PTPN4: variants seen among roughly 807,000 people sequenced by gnomAD.
The protein encoded by PTPN4 is tyrosine-protein phosphatase non-receptor type 4.
Under a neutral mutation model 135.5 loss-of-function variants are expected in PTPN4, and 49 were observed. The ratio of observed to expected loss-of-function variants is 0.36; its 90% CI spans 0.29 to 0.46. The LOEUF is 0.46. Ranked by LOEUF, PTPN4 falls within the 20% of genes least tolerant of loss-of-function variation. The pLI is 1.00. For missense variants in PTPN4, 860 were observed against 1,101.0 expected, an observed-to-expected ratio of 0.78 and a Z score of 3.10; for synonymous variants, 333 against 369.9, an observed-to-expected ratio of 0.90 and a Z score of 1.14.
At chr2:119,857,301 C>T (rs1159962666) in intron 2 of PTPN4, among the ~76,000 whole-genome samples, 1 of 152,072 alleles carries the variant, frequency 6.6e-6, no homozygotes, top group Admixed American at 6.5e-5. Context: ...GAGGCCAAGG[C>T]GGGCGGATTG....
At chr2:119,805,687 T>G (rs1023631307) in intron 1 of PTPN4, among the ~76,000 whole-genome samples, 38 of 152,334 alleles carry the variant, frequency 2.5e-4, no homozygotes, top group African/African-American at 8.4e-4. Flanking sequence ...ACTGTAGCCT[T>G]GTAGTATAGT....
At chr2:119,801,900 GT>G (rs768983862) in intron 1 of PTPN4, among the ~76,000 whole-genome samples, 3,738 of 98,654 alleles carry the variant, frequency 0.038, 18 homozygotes, top group African/African-American at 0.069. Flanking sequence ...CTTTCTTTCC[GT>G]TTTTTTTTTT....
intron 19 of PTPN4, among the ~76,000 whole-genome samples, chr2:119,953,856 C>A (rs1039245172): frequency 1.3e-5 from 2 of 152,144 alleles, no homozygotes; most frequent in Non-Finnish European, 2.9e-5. Context: ...GAACAAAAAT[C>A]CATATGATGG....
At chr2:119,920,957 T>C (rs1406235214) in intron 12 of PTPN4, among the ~76,000 whole-genome samples, 7 of 152,172 alleles carry the variant, frequency 4.6e-5, no homozygotes, top group Non-Finnish European at 7.4e-5. Context: ...TTGTTTATGC[T>C]TCACATAATA....
At chr2:119,921,159 C>T (rs552947915) in intron 12 of PTPN4, among the ~76,000 whole-genome samples, 38 of 152,000 alleles carry the variant, frequency 2.5e-4, no homozygotes, top group African/African-American at 7.2e-4. Flanking sequence ...TGGTGGTGGG[C>T]GCTTGTAATC....
chr2:119,937,051 T>A (rs939509365), intron 15 of PTPN4, among the ~76,000 whole-genome samples: 21 of 152,216 alleles, frequency 1.4e-4, no homozygotes, highest in African/African-American at 5.1e-4. Context: ...AGGAAAGATA[T>A]GTAATATCCA....
At chr2:119,918,561 A>T (rs1678691055) in intron 11 of PTPN4, among the ~76,000 whole-genome samples, 1 of 152,186 alleles carries the variant, frequency 6.6e-6, no homozygotes, top group Non-Finnish European at 1.5e-5. Context: ...TTATAACCAA[A>T]ATGTGCTACC....
At chr2:119,905,198 G>C (rs755095809) in intron 10 of PTPN4, among the ~76,000 whole-genome samples, 12 of 152,082 alleles carry the variant, frequency 7.9e-5, no homozygotes, top group Non-Finnish European at 1.3e-4. Context: ...TTAGACACTG[G>C]CTGAATGGAT....
At chr2:119,772,345 A>G (rs2104921477) in intron 1 of PTPN4, among the ~76,000 whole-genome samples, 1 of 152,318 alleles carries the variant, frequency 6.6e-6, no homozygotes, top group South Asian at 2.1e-4. Context: ...CTGTGTTATC[A>G]TAATTGTTTA....
Position 119,885,870 on chromosome 2 carries a change from C to T in PTPN4, c.663C>T (p.Phe221=). Residue 221 remains phenylalanine (F), a synonymous_variant, in exon 9 of 27, where the codon TTC becomes TTT. Coordinates refer to ENST00000263708, the MANE Select transcript of PTPN4 (RefSeq NM_002830.4). ...CCTTAGAACTCTATGGAGTTGAATT[C>T]CACTATGCAAGGGTAAGTGAAGAAA... ...ARTLELYGVE[F]HYARDQSNNE... is the part of the protein sequence containing the mutation. 6.3e-7 allele frequency: 1 copy of T among 1,595,768 alleles called. No homozygotes were observed. Among genetic ancestry groups the T allele is most frequent in the Non-Finnish European group, 8.5e-7 (1 of 1,172,122 alleles).
chr2:119,924,214 A>G (rs1325197131), intron 12 of PTPN4, among the ~76,000 whole-genome samples: 1 of 151,308 alleles, frequency 6.6e-6, no homozygotes, highest in Non-Finnish European at 1.5e-5. Flanking sequence ...AATTTTAGAC[A>G]TTAACACAGC....
At chr2:119,890,346 C>G (rs377665205) in intron 9 of PTPN4, among the ~76,000 whole-genome samples, 16 of 151,540 alleles carry the variant, frequency 1.1e-4, no homozygotes, top group Non-Finnish European at 2.1e-4. Context: ...CCTAACTTCT[C>G]ATTTTCATTT....
intron 2 of PTPN4, among the ~76,000 whole-genome samples, chr2:119,836,307 A>G (rs2104966599): frequency 6.6e-6 from 1 of 152,314 alleles, no homozygotes; most frequent in Middle Eastern, 3.4e-3. Flanking sequence ...TGAGACACTC[A>G]AGGAGCCTTA....
chr2:119,983,286 C>T lies in PTPN4; in HGVS notation c.*6216C>T, dbSNP rs1679721465. 6.6e-6 allele frequency: 1 copy of T among 152,224 alleles called. No homozygotes were observed. Among genetic ancestry groups the T allele is most frequent in the Non-Finnish European group, 1.5e-5 (1 of 68,048 alleles). 9.4% of individuals were successfully genotyped at this position (152,224 alleles called of 1,614,324 possible). ...CCGTCAAGGGGGAGATAGCCCCGCT[C>T]ACACCCTTAGACCCAAACAGGTGCT... On this transcript the variant is annotated 3_prime_UTR_variant, in exon 27 of 27. Transcript: ENST00000263708.
At chr2:119,812,280 C>T (rs898721762) in intron 2 of PTPN4, among the ~76,000 whole-genome samples, 1 of 152,092 alleles carries the variant, frequency 6.6e-6, no homozygotes, top group Non-Finnish European at 1.5e-5. Context: ...CACTTAGTAC[C>T]ATTAAGTCTC....
At chr2:119,800,054 T>C (rs2104941690) in intron 1 of PTPN4, among the ~76,000 whole-genome samples, 1 of 152,294 alleles carries the variant, frequency 6.6e-6, no homozygotes, top group Non-Finnish European at 1.5e-5. Flanking sequence ...GATAATACCT[T>C]ATTAAAGGAA....
At chr2:119,842,149 C>G (rs975405366) in intron 2 of PTPN4, among the ~76,000 whole-genome samples, 1 of 152,192 alleles carries the variant, frequency 6.6e-6, no homozygotes, top group South Asian at 2.1e-4. Context: ...AAGGCTCCCT[C>G]AGGTCACAGT....
At chr2:119,961,604 G>T (rs1208836229) in intron 23 of PTPN4, among the ~76,000 whole-genome samples, 1 of 152,146 alleles carries the variant, frequency 6.6e-6, no homozygotes, top group Non-Finnish European at 1.5e-5. Context: ...ATTTGTACAT[G>T]AGCATTCATA....
chr2:119,919,132 C>T (rs1678701786), intron 11 of PTPN4, among the ~76,000 whole-genome samples: 1 of 152,116 alleles, frequency 6.6e-6, no homozygotes, highest in Non-Finnish European at 1.5e-5. Context: ...ATTTCTGGAA[C>T]TGGGTAAAGG....
Sources: allele counts gnomAD v4.1 joint callset (sites outside exome capture counted in the v4.1 genomes callset), GRCh38; gene constraint gnomAD v4.1.1; transcripts MANE v1.5; gene names NCBI Gene and HGNC (gene_info 2026-07-23, HGNC 2026-07-21).